The following DNAAF9 variants were observed in gnomAD, a reference collection of about 807,000 sequenced individuals.
The protein encoded by DNAAF9 is dynein axonemal assembly factor 9, also known as shulin.
DNAAF9 carries 90 observed loss-of-function variants against 167.0 expected under a neutral mutation model. That is an observed-to-expected ratio of 0.54 (90% CI 0.45 to 0.64). DNAAF9 has a LOEUF of 0.64. DNAAF9 is among the 30% of genes least tolerant of loss of function. DNAAF9 has a pLI of 0.00. For synonymous variants in DNAAF9, 491 were observed against 508.8 expected, an observed-to-expected ratio of 0.96 and a Z score of 0.47; for missense variants, 1,315 against 1,442.2, an observed-to-expected ratio of 0.91 and a Z score of 1.43.
At chr20:3,384,421 G>A (rs2083704889) in intron 1 of DNAAF9, 1 of 152,094 alleles carries the variant, frequency 6.6e-6, no homozygotes, top group Non-Finnish European at 1.5e-5. Context: ...GTAAGAGGGA[G>A]AGGACACTAT....
rs7274483 is a variant in DNAAF9, at chr20:3,279,327, G to T, written c.2613-378C>A. Among the ~76,000 whole-genome samples, 610 of 152,168 alleles carry T rather than the reference G, an allele frequency of 4.0e-3. 1 individual carries two copies. Among genetic ancestry groups the T allele is most frequent in the African/African-American group, 0.013 (539 of 41,488 alleles). On this transcript the variant is annotated intron_variant, in intron 28 of 36. Transcript: ENST00000252032. ...ATTACACTCATCTAACTCTACCAGG[G>T]GCCTTTAATACCAAAGCTGCCATGC...
intron 6 of DNAAF9, among the ~76,000 whole-genome samples, chr20:3,363,097 C>A (rs2123185934): frequency 6.6e-6 from 1 of 152,126 alleles, no homozygotes; most frequent in East Asian, 1.9e-4. Context: ...GGTGTGGTGG[C>A]ACACACCTGT....
intron 3 of DNAAF9, among the ~76,000 whole-genome samples, chr20:3,379,811 A>G (rs1348364787): frequency 3.9e-5 from 6 of 152,098 alleles, no homozygotes; most frequent in Non-Finnish European, 8.8e-5. Flanking sequence ...CTGTAATCTC[A>G]GCACTTTGGG....
intron 30 of DNAAF9, among the ~76,000 whole-genome samples, chr20:3,265,512 T>C (rs192767603): frequency 2.9e-5 from 4 of 137,672 alleles, no homozygotes; most frequent in Admixed American, 7.4e-5. Context: ...GAGGTGGAGG[T>C]TGCAGTGAGA....
intron 1 of DNAAF9, among the ~76,000 whole-genome samples, chr20:3,402,555 T>C (rs1021691014): frequency 6.6e-6 from 1 of 152,128 alleles, no homozygotes; most frequent in Admixed American, 6.5e-5. Flanking sequence ...ACCACCATTC[T>C]ACTCTCTACT....
chr20:3,303,714 C>T (rs953083730), intron 21 of DNAAF9, among the ~76,000 whole-genome samples: 8 of 152,238 alleles, frequency 5.3e-5, no homozygotes, highest in Non-Finnish European at 8.8e-5. Context: ...CCCAGACAGA[C>T]TGGTTTTGAG....
intron 10 of DNAAF9, among the ~76,000 whole-genome samples, chr20:3,337,437 T>A (rs1453920504): frequency 1.9e-5 from 2 of 107,080 alleles, no homozygotes. Flanking sequence ...GTTCTTTTTT[T>A]TTGTTTTTTT....
chr20:3,340,524 C>T lies in DNAAF9; in HGVS notation c.961G>A (p.Gly321Arg), dbSNP rs755233054. The change falls in exon 10 of 37, where the codon GGG becomes AGG. Residue 321 changes from glycine to arginine, a missense_variant. Physicochemically the swap from Gly to Arg is moderately radical, Grantham distance 125. Around this residue, in one of 2 missense-constraint regions of DNAAF9, gnomAD observed 981 missense variants for 1,012.5 expected, o/e 0.97. Transcript: ENST00000252032. ...CTTACCATGTGCTTGGCAAAGCTCCCGCCGGGACCAGTGCTTCGTACCAGA... is the reference window on the plus strand; with the variant it reads ...CTTACCATGTGCTTGGCAAAGCTCCTGCCGGGACCAGTGCTTCGTACCAGA... ...GHLVRSTGPG[G>R]SFAKHMVAQC... 11 of 1,561,640 alleles carry T rather than the reference C, an allele frequency of 7.0e-6. No homozygotes were observed. Among genetic ancestry groups the T allele is most frequent in the African/African-American group, 4.1e-5 (3 of 72,660 alleles).
intron 16 of DNAAF9, among the ~76,000 whole-genome samples, chr20:3,319,262 C>CAAAAAAAAAAAAAA (rs57727958): frequency 7.2e-5 from 3 of 41,566 alleles, no homozygotes; most frequent in East Asian, 5.2e-4. Flanking sequence ...GACCCCGTCT[C>CAAAAAAAAAAAAAA]AAAAAAAAAA....
intron 27 of DNAAF9, among the ~76,000 whole-genome samples, chr20:3,284,821 A>T (rs922177666): frequency 2.0e-5 from 3 of 152,122 alleles, no homozygotes; most frequent in African/African-American, 7.2e-5. Context: ...TCTAAAATTA[A>T]TTTTTTAAAA....
chr20:3,404,019 T>C (rs2084022921), intron 1 of DNAAF9, among the ~76,000 whole-genome samples: 1 of 152,144 alleles, frequency 6.6e-6, no homozygotes, highest in South Asian at 2.1e-4. Flanking sequence ...CGAATCTAAT[T>C]GTCTATTATT....
At chr20:3,287,528 A>G (rs1292808476) in intron 27 of DNAAF9, 104 bp downstream of exon 27, 8 of 1,077,288 alleles carry the variant, frequency 7.4e-6, no homozygotes, top group Non-Finnish European at 1.1e-5. Context: ...CTGCTCATGC[A>G]TGTAGAGTCT....
intron 10 of DNAAF9, among the ~76,000 whole-genome samples, chr20:3,339,592 C>T (rs1477086887): frequency 6.6e-6 from 1 of 152,140 alleles, no homozygotes; most frequent in African/African-American, 2.4e-5. Context: ...CAGTAACCCC[C>T]TATTATATTG....
intron 10 of DNAAF9, among the ~76,000 whole-genome samples, chr20:3,339,036 C>A (rs1362344822): frequency 1.3e-5 from 2 of 152,048 alleles, no homozygotes; most frequent in Non-Finnish European, 2.9e-5. Context: ...ACCAATGTCA[C>A]GCTTACTGAT....
chr20:3,323,560 C>A (rs1385233584), intron 14 of DNAAF9, among the ~76,000 whole-genome samples: 3 of 152,048 alleles, frequency 2.0e-5, no homozygotes, highest in South Asian at 4.2e-4. Context: ...AGATTACAGG[C>A]GTGAGCCACT....
At chr20:3,338,315 T>C (rs1242050247) in intron 10 of DNAAF9, among the ~76,000 whole-genome samples, 1 of 152,138 alleles carries the variant, frequency 6.6e-6, no homozygotes, top group Non-Finnish European at 1.5e-5. Context: ...GTTTGTATGG[T>C]TTCTGATAAG....
chr20:3,350,977 A>C (rs1048114854), intron 7 of DNAAF9, among the ~76,000 whole-genome samples: 1 of 152,214 alleles, frequency 6.6e-6, no homozygotes. Context: ...TAATGAATTA[A>C]GGATCTAGGG....
intron 1 of DNAAF9, among the ~76,000 whole-genome samples, chr20:3,396,137 T>G (rs1329480799): frequency 1.3e-5 from 2 of 152,218 alleles, no homozygotes; most frequent in Non-Finnish European, 2.9e-5. Flanking sequence ...GAACTGTGAG[T>G]CCAATAAACC....
intron 1 of DNAAF9, among the ~76,000 whole-genome samples, chr20:3,391,957 C>T (rs2083833404): frequency 6.6e-6 from 1 of 152,082 alleles, no homozygotes; most frequent in Admixed American, 6.6e-5. Flanking sequence ...TCTGGGAGGC[C>T]AGGCATTCAA....
Sources: allele counts gnomAD v4.1 joint callset (sites outside exome capture counted in the v4.1 genomes callset), GRCh38; gene constraint gnomAD v4.1.1; regional missense constraint gnomAD v4.1.1; transcripts MANE v1.5; gene names NCBI Gene and HGNC (gene_info 2026-07-23, HGNC 2026-07-21).